The following ADARB2 variants were observed in gnomAD, a reference collection of about 807,000 sequenced individuals.
ADARB2 encodes the protein adenosine deaminase RNA specific B2 (inactive).
Under a neutral mutation model 62.2 loss-of-function variants are expected in ADARB2, and 25 were observed. That is an observed-to-expected ratio of 0.40 (90% CI 0.29 to 0.56). ADARB2 has a LOEUF of 0.56. Among genes scored for constraint, ADARB2 ranks in the 20% least tolerant of loss-of-function variants. The pLI, the probability that ADARB2 is intolerant of heterozygous loss-of-function variation, is 0.43. For missense variants in ADARB2, 1,071 were observed against 1,077.4 expected (o/e 0.99, Z 0.08); for synonymous variants, 572 against 500.8 (o/e 1.14, Z -1.90).
chr10:1,249,043 C>G (rs1240714364), intron 4 of ADARB2, among the ~76,000 whole-genome samples: 1 of 152,172 alleles, frequency 6.6e-6, no homozygotes, highest in Admixed American at 6.5e-5. Context: ...AACAGAGGAC[C>G]CTCAGTTAGA....
intron 1 of ADARB2, among the ~76,000 whole-genome samples, chr10:1,431,906 C>A (rs898365963): frequency 6.6e-6 from 1 of 152,166 alleles, no homozygotes; most frequent in Non-Finnish European, 1.5e-5. Context: ...GATGGAATAG[C>A]TAACCTGAAT....
chr10:1,249,301 G>C (rs950580714), intron 4 of ADARB2, among the ~76,000 whole-genome samples: 3 of 152,146 alleles, frequency 2.0e-5, no homozygotes, highest in African/African-American at 7.2e-5. Context: ...AAGTAGCTGG[G>C]TGTGGAGGCG....
At chr10:1,637,047 T>C (rs1299466588) in intron 1 of ADARB2, among the ~76,000 whole-genome samples, 4 of 152,090 alleles carry the variant, frequency 2.6e-5, no homozygotes, top group East Asian at 1.9e-4. Flanking sequence ...TTAATACTCA[T>C]TCATGATTGA....
chr10:1,621,329 CTG>C (rs1470010664), intron 1 of ADARB2, among the ~76,000 whole-genome samples: 1 of 151,992 alleles, frequency 6.6e-6, no homozygotes, highest in Non-Finnish European at 1.5e-5. Flanking sequence ...TACTAACAAT[CTG>C]AAAAGAAAAA....
At chr10:1,476,206 A>G (rs1831398048) in intron 1 of ADARB2, among the ~76,000 whole-genome samples, 1 of 152,154 alleles carries the variant, frequency 6.6e-6, no homozygotes, top group Non-Finnish European at 1.5e-5. Context: ...AGAGAGAGAA[A>G]GGGAGAGATG....
chr10:1,298,512 A>G (rs1831543860), intron 3 of ADARB2, among the ~76,000 whole-genome samples: 1 of 152,160 alleles, frequency 6.6e-6, no homozygotes. Flanking sequence ...TGGTATGCAC[A>G]AAATTCACCT....
In ADARB2 at chr10:1,472,306, A is replaced by G. The variant is rs544869328; in HGVS notation, c.101-93146T>C. On this transcript the variant is annotated intron_variant, in intron 1 of 9. Transcript: ENST00000381312. Reference sequence around the variant, plus strand: ...AGGGTGGCCACAGGAGGAACTGCCCAAGCAGAGACCAAGGGCCATGCGGCT... The same window carrying G: ...AGGGTGGCCACAGGAGGAACTGCCCGAGCAGAGACCAAGGGCCATGCGGCT... 1.2e-4 allele frequency among the ~76,000 whole-genome samples: 19 copies of G among 152,364 alleles called. No individual in the cohort carries two copies. The East Asian group carries it at 2.7e-3, about 22-fold the overall frequency.
At chr10:1,444,944 C>G (rs1830950535) in intron 1 of ADARB2, among the ~76,000 whole-genome samples, 1 of 150,770 alleles carries the variant, frequency 6.6e-6, no homozygotes, top group African/African-American at 2.4e-5. Flanking sequence ...TCAATCCATC[C>G]ACCCACCCAT....
intron 1 of ADARB2, among the ~76,000 whole-genome samples, chr10:1,580,948 G>A (rs1441993403): frequency 6.6e-6 from 1 of 152,226 alleles, no homozygotes; most frequent in Non-Finnish European, 1.5e-5. Context: ...CCATCGTGCG[G>A]ATGAAGCCCA....
chr10:1,459,998 G>C (rs113642350), intron 1 of ADARB2, among the ~76,000 whole-genome samples: 41 of 92,712 alleles, frequency 4.4e-4, no homozygotes, highest in African/African-American at 1.1e-3. Context: ...CCTGTGACCT[G>C]AGTTTACCTG....
At chr10:1,734,296 GTTTTT>G (rs11338512) in intron 1 of ADARB2, among the ~76,000 whole-genome samples, 12 of 130,762 alleles carry the variant, frequency 9.2e-5, no homozygotes, top group African/African-American at 3.3e-4. Flanking sequence ...TGACGAAGGT[GTTTTT>G]TTTTTTTTTT....
intron 1 of ADARB2, among the ~76,000 whole-genome samples, chr10:1,734,875 A>G (rs1011238107): frequency 1.1e-4 from 17 of 152,212 alleles, no homozygotes; most frequent in African/African-American, 3.6e-4. Flanking sequence ...ACATAATTTA[A>G]ACTCACCATT....
At chr10:1,725,349 G>A (rs1459197914) in intron 1 of ADARB2, among the ~76,000 whole-genome samples, 5 of 152,166 alleles carry the variant, frequency 3.3e-5, no homozygotes, top group African/African-American at 1.2e-4. Context: ...ATCATGGGTA[G>A]GGGGGCCTCT....
intron 1 of ADARB2, among the ~76,000 whole-genome samples, chr10:1,439,639 C>T (rs1346864337): frequency 7.4e-6 from 1 of 134,786 alleles, no homozygotes; most frequent in Non-Finnish European, 1.6e-5. Context: ...GTCTCCTCAG[C>T]AGATGGAGGC....
chr10:1,615,757 C>G (rs1389147810), intron 1 of ADARB2, among the ~76,000 whole-genome samples: 1 of 152,248 alleles, frequency 6.6e-6, no homozygotes, highest in Non-Finnish European at 1.5e-5. Flanking sequence ...AGGACACTTT[C>G]ACCTCTCCAG....
At chr10:1,693,864 T>C (rs1175779931) in intron 1 of ADARB2, among the ~76,000 whole-genome samples, 2 of 152,210 alleles carry the variant, frequency 1.3e-5, no homozygotes, top group Non-Finnish European at 2.9e-5. Flanking sequence ...AATTAGGGCA[T>C]TGTATAGTGT....
At chr10:1,721,013 C>T (rs1056343303) in intron 1 of ADARB2, among the ~76,000 whole-genome samples, 8 of 152,272 alleles carry the variant, frequency 5.3e-5, no homozygotes, top group African/African-American at 1.9e-4. Context: ...AATGGGAATT[C>T]AATTGTGGAA....
chr10:1,395,098 T>C (rs982095094), intron 1 of ADARB2, among the ~76,000 whole-genome samples: 4 of 152,034 alleles, frequency 2.6e-5, no homozygotes, highest in Admixed American at 6.6e-5. Context: ...TTATATTCAC[T>C]AGAGCTGAGG....
At chr10:1,658,369 CTG>C (rs1432935682) in intron 1 of ADARB2, among the ~76,000 whole-genome samples, 1 of 151,826 alleles carries the variant, frequency 6.6e-6, no homozygotes, top group Non-Finnish European at 1.5e-5. Context: ...CTGTTTTTCT[CTG>C]TCTCTCTGTG....
Sources: gnomAD v4.1 joint callset for allele counts (sites outside exome capture counted in the v4.1 genomes callset) on GRCh38, gnomAD v4.1.1 for gene constraint, MANE v1.5 for transcripts, NCBI Gene and HGNC (gene_info 2026-07-23, HGNC 2026-07-21) for gene names.